ARHGAP8: variants seen among roughly 807,000 people sequenced by gnomAD.
ARHGAP8 encodes the protein Rho GTPase activating protein 8.
Under a neutral mutation model 46.1 loss-of-function variants are expected in ARHGAP8, and 62 were observed. The ratio of observed to expected loss-of-function variants is 1.34; its 90% CI spans 1.10 to 1.66. The LOEUF is 1.66. Among genes scored for constraint, ARHGAP8 ranks in the 40% most tolerant of loss-of-function variants. The pLI, the probability that ARHGAP8 is intolerant of heterozygous loss-of-function variation, is 0.00. For missense variants in ARHGAP8, 923 were observed against 568.4 expected, an observed-to-expected ratio of 1.62 and a Z score of -6.34; for synonymous variants, 375 against 243.1, an observed-to-expected ratio of 1.54 and a Z score of -5.05.
intron 1 of ARHGAP8, among the ~76,000 whole-genome samples, chr22:44,761,967 C>A (rs1415687721): frequency 6.6e-6 from 1 of 152,130 alleles, no homozygotes; most frequent in Non-Finnish European, 1.5e-5. Context: ...GTGGGGGAAC[C>A]CCCCCCAACT....
At chr22:44,815,929 G>A (rs990602121) in intron 5 of ARHGAP8, among the ~76,000 whole-genome samples, 8 of 152,170 alleles carry the variant, frequency 5.3e-5, no homozygotes, top group South Asian at 4.1e-4. Flanking sequence ...TTCTGCAGGC[G>A]AGGGAGGGGC....
chr22:44,815,855 T>TAG (rs1929702065), intron 5 of ARHGAP8, among the ~76,000 whole-genome samples: 1 of 150,666 alleles, frequency 6.6e-6, no homozygotes, highest in African/African-American at 2.5e-5. Context: ...ATGACGGGGG[T>TAG]GGGGTGGGGA....
chr22:44,818,989 T>G lies in ARHGAP8; in HGVS notation c.387-3382T>G, dbSNP rs538672064. On this transcript the variant is annotated intron_variant, in intron 5 of 11. Coordinates refer to ENST00000356099, the MANE Select transcript of ARHGAP8 (RefSeq NM_181335.3). ...GTTGGGATTATAGGAGCGCACCATG[T>G]TGACTGTTTAGAATAGGGCCTGCCA... is the stretch of plus-strand genomic sequence containing the variant. 4.6e-5 allele frequency among the ~76,000 whole-genome samples: 7 copies of G among 152,220 alleles called. No homozygotes were observed. In the South Asian group the frequency reaches 1.5e-3, roughly 32 times the overall value.
intron 10 of ARHGAP8, among the ~76,000 whole-genome samples, chr22:44,859,431 C>A (rs2070355220): frequency 6.6e-6 from 1 of 152,192 alleles, no homozygotes; most frequent in Non-Finnish European, 1.5e-5. Context: ...AATTGGAAGC[C>A]TCCTGAGGCT....
intron 2 of ARHGAP8, among the ~76,000 whole-genome samples, chr22:44,787,033 A>AAAAACAAAC (rs530159637): frequency 1.1e-5 from 1 of 92,232 alleles, no homozygotes; most frequent in Non-Finnish European, 2.6e-5. Flanking sequence ...CTGTCTCAAA[A>AAAAACAAAC]AAACAAAAAA....
chr22:44,783,290 G>A (rs2147040229), intron 1 of ARHGAP8, among the ~76,000 whole-genome samples: 1 of 152,166 alleles, frequency 6.6e-6, no homozygotes, highest in Non-Finnish European at 1.5e-5. Context: ...CACTCTCTGA[G>A]TGCCCCCTCC....
At chr22:44,841,304 A>G (rs1931636189) in intron 7 of ARHGAP8, among the ~76,000 whole-genome samples, 1 of 152,220 alleles carries the variant, frequency 6.6e-6, no homozygotes, top group Non-Finnish European at 1.5e-5. Flanking sequence ...AACAAGTCAC[A>G]TAGACTGCAT....
At chr22:44,793,154 G>A (rs1927827328) in intron 2 of ARHGAP8, among the ~76,000 whole-genome samples, 1 of 152,120 alleles carries the variant, frequency 6.6e-6, no homozygotes, top group Non-Finnish European at 1.5e-5. Context: ...GTTGACTTCA[G>A]TATCTTAAGA....
At chr22:44,827,016 A>C (rs1467905914) in intron 7 of ARHGAP8, among the ~76,000 whole-genome samples, 3 of 152,142 alleles carry the variant, frequency 2.0e-5, no homozygotes, top group Non-Finnish European at 2.9e-5. Context: ...CTTACATGGC[A>C]AAAGGGGCTT....
At chr22:44,776,407 G>A (rs769422312) in intron 1 of ARHGAP8, among the ~76,000 whole-genome samples, 7 of 151,508 alleles carry the variant, frequency 4.6e-5, no homozygotes, top group Non-Finnish European at 8.8e-5. Context: ...AGCTGAGGTC[G>A]CGCCATTGCA....
At chr22:44,829,160 A>T (rs1349281384) in intron 7 of ARHGAP8, among the ~76,000 whole-genome samples, 2 of 145,178 alleles carry the variant, frequency 1.4e-5, no homozygotes, top group Non-Finnish European at 3.0e-5. Context: ...GCATGGTGTC[A>T]CACACCTGTA....
At chr22:44,795,798 C>T (rs752863612) in intron 2 of ARHGAP8, among the ~76,000 whole-genome samples, 1 of 152,122 alleles carries the variant, frequency 6.6e-6, no homozygotes, top group Non-Finnish European at 1.5e-5. Context: ...TCCCAGGACA[C>T]CTCCCGGGAC....
chr22:44,860,886 G>A (rs776495694), intron 11 of ARHGAP8, among the ~76,000 whole-genome samples: 4 of 152,198 alleles, frequency 2.6e-5, no homozygotes, highest in Non-Finnish European at 4.4e-5. Flanking sequence ...AGCCTGAGCA[G>A]AGTAGGCGTC....
At position 44,812,046 on chromosome 22, in the gene ARHGAP8, G is replaced by A. The variant is rs765566251; in HGVS notation, c.300-2626G>A. 1.6e-3 allele frequency among the ~76,000 whole-genome samples: 242 copies of A among 150,932 alleles called. 1 individual carries two copies. Among genetic ancestry groups the A allele is most frequent in the Non-Finnish European group, 2.0e-3 (133 of 67,890 alleles). On this transcript the variant is annotated intron_variant, in intron 4 of 11. Coordinates refer to ENST00000356099, the MANE Select transcript of ARHGAP8 (RefSeq NM_181335.3). ...CAGTGAGGGTTTTCAGTCGGCCATTGCCACACCCCATCAGGTTTCCTGCAT... is the reference window on the plus strand; with the variant it reads ...CAGTGAGGGTTTTCAGTCGGCCATTACCACACCCCATCAGGTTTCCTGCAT...
Position 44,822,416 on chromosome 22 carries a change from G to A in ARHGAP8, c.432G>A (p.Glu144=). The change falls in exon 6 of 12, where the codon GAG becomes GAA. Residue 144 remains glutamate (E), a synonymous_variant. Transcript: ENST00000356099. ...KKVIYFNYLS[E]LHEHLKYDQL... ...TCATCTATTTCAACTACCTGAGTGA[G>A]CTCCACGAACACCTTAAATACGACC... The A allele has an allele frequency of 6.3e-7, 1 of 1,581,082 alleles. No homozygotes were observed.
Position 44,848,063 on chromosome 22 carries a change from C to T in ARHGAP8, c.748+13C>T, listed in dbSNP as rs777372714. On this transcript the variant is annotated intron_variant, in intron 9 of 11. Transcript: ENST00000356099. ...CTCTACAACCAAGGTGAGGGTGTCC[C>T]GCAGTCCTGAGCCCCGAGCTGCCTG... 2.1e-5 allele frequency: 34 copies of T among 1,604,240 alleles called. No individual in the cohort carries two copies. The highest frequency in any genetic ancestry group is 3.3e-5 in the South Asian group (3 of 91,068).
At chr22:44,772,223 C>CTTTTTT (rs71188484) in intron 1 of ARHGAP8, among the ~76,000 whole-genome samples, 6 of 16,428 alleles carry the variant, frequency 3.7e-4, no homozygotes, top group Non-Finnish European at 8.2e-4. Context: ...ACTGTTTTGC[C>CTTTTTT]TTTTTTTTTT....
chr22:44,836,608 C>G (rs990772238), intron 7 of ARHGAP8, among the ~76,000 whole-genome samples: 4 of 151,356 alleles, frequency 2.6e-5, no homozygotes, highest in Admixed American at 1.3e-4. Flanking sequence ...TTCACATGCA[C>G]TGCCCATTTC....
intron 9 of ARHGAP8, among the ~76,000 whole-genome samples, 181 bp downstream of exon 9, chr22:44,848,231 G>A (rs969156012): frequency 2.0e-5 from 3 of 152,244 alleles, no homozygotes; most frequent in African/African-American, 7.2e-5. Flanking sequence ...CCAGAGTGGG[G>A]ACCTTTTGTC....
Sources: gnomAD v4.1 joint callset for allele counts (sites outside exome capture counted in the v4.1 genomes callset) on GRCh38, gnomAD v4.1.1 for gene constraint, MANE v1.5 for transcripts, NCBI Gene and HGNC (gene_info 2026-07-23, HGNC 2026-07-21) for gene names.